The following TMEM87A variants were observed in gnomAD, a reference collection of about 807,000 sequenced individuals.
The protein encoded by TMEM87A is transmembrane protein 87A.
In TMEM87A, 50 loss-of-function variants were observed where a neutral mutation model predicts 90.0. The ratio of observed to expected loss-of-function variants is 0.56; its 90% CI spans 0.44 to 0.70. The LOEUF (loss-of-function observed/expected upper bound fraction) is 0.70. Among genes scored for constraint, TMEM87A ranks in the 30% least tolerant of loss-of-function variants. The pLI is 0.00. For missense variants in TMEM87A, 577 were observed against 660.5 expected, an observed-to-expected ratio of 0.87 and a Z score of 1.39; for synonymous variants, 226 against 226.7, an observed-to-expected ratio of 1.00 and a Z score of 0.03.
At chr15:42,221,836 G>A (rs910118892) in intron 15 of TMEM87A, among the ~76,000 whole-genome samples, 19 of 152,234 alleles carry the variant, frequency 1.2e-4, no homozygotes, top group African/African-American at 2.9e-4. Context: ...CTGCAGCCTC[G>A]ACATCCCAGG....
Position 42,253,688 on chromosome 15 carries a change from A to G in TMEM87A, c.504+7270T>C, listed in dbSNP as rs78997168. Among the ~76,000 whole-genome samples, 1,348 of 152,292 alleles carry G rather than the reference A, an allele frequency of 8.9e-3. 19 individuals are homozygous for G. The highest frequency in any genetic ancestry group is 0.031 in the African/African-American group (1,282 of 41,554). ...AGGAGGGTATGGTAAACAAATTACA[A>G]TATCACTGCACTTTCTTAATGTAAT... On this transcript the variant is annotated intron_variant, in intron 6 of 19. Transcript: ENST00000389834.
intron 2 of TMEM87A, among the ~76,000 whole-genome samples, chr15:42,268,673 C>CATAA (rs145708642): frequency 0.077 from 11,687 of 151,216 alleles, 723 homozygotes; most frequent in African/African-American, 0.18. Context: ...TCTCAAAAAA[C>CATAA]ATAAATAAAT....
chr15:42,235,514 C>T (rs1220188201), intron 10 of TMEM87A, among the ~76,000 whole-genome samples: 1 of 152,172 alleles, frequency 6.6e-6, no homozygotes, highest in Non-Finnish European at 1.5e-5. Context: ...TTCCATCCTG[C>T]CATTTTATCA....
chr15:42,230,420 A>G (rs553722650), intron 12 of TMEM87A, among the ~76,000 whole-genome samples: 55 of 152,362 alleles, frequency 3.6e-4, no homozygotes, highest in African/African-American at 1.3e-3. Context: ...GTCACAATCT[A>G]TCAGGTCAGT....
chr15:42,260,931 A>G, intron 6 of TMEM87A, 27 bp downstream of exon 6: 1 of 1,603,356 alleles, frequency 6.2e-7, no homozygotes, highest in Non-Finnish European at 8.5e-7. Context: ...TATGTGTTCA[A>G]TGCCCCAAAT....
chr15:42,270,055 T>C (rs1380286280), intron 2 of TMEM87A, among the ~76,000 whole-genome samples: 1 of 136,428 alleles, frequency 7.3e-6, no homozygotes, highest in East Asian at 2.3e-4. Context: ...AGCACAGAAA[T>C]AACAAAGAAA....
intron 14 of TMEM87A, chr15:42,227,123 C>A: frequency 1.9e-6 from 1 of 534,848 alleles, no homozygotes; most frequent in Non-Finnish European, 3.3e-6. Context: ...AAAGAAAATG[C>A]ATCAACGGAA....
chr15:42,231,226 G>A lies in TMEM87A; in HGVS notation c.1097C>T (p.Pro366Leu), dbSNP rs1452363033. The stretch of plus-strand genomic sequence containing the variant: ...CAAGGCAGTGTCTAGGAAAGCCAAG[G>A]GGATAAAGGCCAAGGAAGCAAGATC... ...QTDLASLAFI[P>L]LAFLDTALCW... The change falls in exon 12 of 20, where the codon CCC becomes CTC. Residue 366 changes from proline to leucine, a missense_variant. Physicochemically the swap from Pro to Leu is moderately conservative, Grantham distance 98. Transcript: ENST00000389834. The A allele has an allele frequency of 6.3e-7, 1 of 1,592,984 alleles. No homozygotes were observed. The highest frequency in any genetic ancestry group is 8.5e-7 in the Non-Finnish European group (1 of 1,171,610).
intron 18 of TMEM87A, 86 bp downstream of exon 18, chr15:42,218,237 A>C (rs2050414251): frequency 1.6e-6 from 2 of 1,288,580 alleles, no homozygotes; most frequent in Non-Finnish European, 2.2e-6. Flanking sequence ...TTGTATTTTC[A>C]TGAGTATAAC....
In TMEM87A at chr15:42,234,217, GA is replaced by G. The variant is rs1419036133; in HGVS notation, c.969-912del. ...TTTGCAAGCTCGAAACCTAATATAT[GA>G]AAAGTCTTCTGAGCAACTTCTGTTT... is the stretch of plus-strand genomic sequence containing the variant. On this transcript the variant is annotated intron_variant, in intron 10 of 19. Transcript: ENST00000389834. Among the ~76,000 whole-genome samples the G allele has an allele frequency of 2.6e-5, 4 of 152,144 alleles. No individual in the cohort carries two copies. In the East Asian group the frequency reaches 7.7e-4, roughly 29 times the overall value.
rs1367945434 is a variant in TMEM87A, at chr15:42,210,654, C to T, written c.*1054G>A. The T allele has an allele frequency of 6.6e-6, 1 of 152,604 alleles. No individual in the cohort carries two copies. The highest frequency in any genetic ancestry group is 6.5e-5 in the Admixed American group (1 of 15,270). 9.5% of individuals were successfully genotyped at this position (152,604 alleles called of 1,614,324 possible). ...ATAGAGTGCTTCAAATGAATCCCAT[C>T]ACCTTGTGATGTCCCTTATTAACAG... is the stretch of plus-strand genomic sequence containing the variant. On this transcript the variant is annotated 3_prime_UTR_variant, in exon 20 of 20. Coordinates refer to ENST00000389834, the MANE Select transcript of TMEM87A (RefSeq NM_015497.5).
intron 8 of TMEM87A, among the ~76,000 whole-genome samples, chr15:42,238,621 C>G (rs889853132): frequency 1.3e-5 from 2 of 151,876 alleles, no homozygotes; most frequent in African/African-American, 4.8e-5. Flanking sequence ...TAGTGGCACA[C>G]GCCTGTTGTC....
At chr15:42,217,478 A>G (rs1284558816) in intron 19 of TMEM87A, among the ~76,000 whole-genome samples, 1 of 152,200 alleles carries the variant, frequency 6.6e-6, no homozygotes, top group Admixed American at 6.5e-5. Context: ...CCAATATTAG[A>G]TTAGAGTTAA....
chr15:42,271,230 A>G (rs2051517727), intron 2 of TMEM87A, among the ~76,000 whole-genome samples: 1 of 152,220 alleles, frequency 6.6e-6, no homozygotes, highest in Admixed American at 6.5e-5. Flanking sequence ...TTTCTTGATA[A>G]TATCTGAGCT....
chr15:42,218,012 A>G (rs1272682551), intron 18 of TMEM87A, 179 bp from the exon 19 acceptor site: 37 of 666,942 alleles, frequency 5.5e-5, no homozygotes, highest in Non-Finnish European at 8.2e-5. Flanking sequence ...CAGAAATTGT[A>G]TAGAAAAAAA....
Position 42,264,154 on chromosome 15 carries a change from A to C in TMEM87A, c.341T>G (p.Leu114Trp). ...YLEKLKEKRG[L>W]SGKYQTSSKL... ...TGATGATGTTTGATATTTCCCAGAC[A>C]AGCCTCTTTTTTCCTTAAGTTTTTC... The change falls in exon 4 of 20, where the codon TTG (leucine) becomes TGG (tryptophan). Residue 114 changes from leucine to tryptophan, a missense_variant. Coordinates refer to ENST00000389834, the MANE Select transcript of TMEM87A (RefSeq NM_015497.5). The C allele has an allele frequency of 6.2e-7, 1 of 1,613,916 alleles. No individual in the cohort carries two copies. Among genetic ancestry groups the C allele is most frequent in the Non-Finnish European group, 8.5e-7 (1 of 1,179,920 alleles).
At chr15:42,238,311 T>A (rs1459065989) in intron 8 of TMEM87A, among the ~76,000 whole-genome samples, 1 of 152,040 alleles carries the variant, frequency 6.6e-6, no homozygotes, top group Non-Finnish European at 1.5e-5. Context: ...CTCATGCCTG[T>A]AATACCAGCA....
At chr15:42,226,381 T>C (rs1052692637) in intron 15 of TMEM87A, among the ~76,000 whole-genome samples, 1 of 152,066 alleles carries the variant, frequency 6.6e-6, no homozygotes, top group African/African-American at 2.4e-5. Flanking sequence ...CATAATGCTA[T>C]TGCACACATA....
intron 6 of TMEM87A, chr15:42,258,202 AC>A (rs2051219409): frequency 2.1e-6 from 2 of 961,832 alleles, no homozygotes; most frequent in Non-Finnish European, 2.5e-6. Context: ...CAAACTGACG[AC>A]ATGTCCATGT....
Sources: gnomAD v4.1 joint callset for allele counts (sites outside exome capture counted in the v4.1 genomes callset) on GRCh38, gnomAD v4.1.1 for gene constraint, MANE v1.5 for transcripts, NCBI Gene and HGNC (gene_info 2026-07-23, HGNC 2026-07-21) for gene names.